The following GPR55 variants were observed in gnomAD, a reference collection of about 807,000 sequenced individuals.
GPR55 encodes the protein G protein-coupled receptor 55.
A neutral mutation model predicts 7.9 loss-of-function variants in GPR55; 6 were observed. The ratio of observed to expected loss-of-function variants is 0.76; its 90% CI spans 0.41 to 1.49. The LOEUF (loss-of-function observed/expected upper bound fraction) is 1.49, where lower values mean the gene tolerates loss of function less well. GPR55 is among the 40% of genes most tolerant of loss of function. The pLI, the probability that GPR55 is intolerant of heterozygous loss-of-function variation, is 0.01. For synonymous variants in GPR55, 183 were observed against 166.8 expected, an observed-to-expected ratio of 1.10 and a Z score of -0.75; for missense variants, 376 against 406.0, an observed-to-expected ratio of 0.93 and a Z score of 0.63.
At chr2:230,916,209 C>A (rs1690710615) in intron 1 of GPR55, among the ~76,000 whole-genome samples, 1 of 151,280 alleles carries the variant, frequency 6.6e-6, no homozygotes, top group Admixed American at 6.6e-5. Flanking sequence ...CTTCATCTCT[C>A]CAAAAAAGAA....
intron 1 of GPR55, among the ~76,000 whole-genome samples, chr2:230,939,120 C>A (rs1049327656): frequency 2.0e-5 from 3 of 152,216 alleles, no homozygotes; most frequent in Non-Finnish European, 2.9e-5. Flanking sequence ...CTCCTTTGTC[C>A]CTGCAGCCCT....
chr2:230,940,436 G>T (rs2125065589), intron 1 of GPR55, among the ~76,000 whole-genome samples: 1 of 152,308 alleles, frequency 6.6e-6, no homozygotes, highest in African/African-American at 2.4e-5. Context: ...GAAGATAGTG[G>T]AAGGTGTCTC....
chr2:230,958,530 T>G (rs1282114611), intron 1 of GPR55, among the ~76,000 whole-genome samples: 2 of 152,180 alleles, frequency 1.3e-5, no homozygotes, highest in African/African-American at 4.8e-5. Context: ...CCTACCTCCC[T>G]CTGACAGTGC....
intron 1 of GPR55, chr2:230,957,848 G>T (rs987985866): frequency 1.6e-6 from 1 of 610,110 alleles, no homozygotes; most frequent in African/African-American, 1.9e-5. Context: ...GCAAAGCAAA[G>T]AATCCAGGAA....
In GPR55 at chr2:230,924,004, C is replaced by G. The variant is rs1361079922; in HGVS notation, c.-135+1164G>C. On this transcript the variant is annotated intron_variant, in intron 1 of 1. Transcript: ENST00000650999. This position sits in a 1 kb window ranked among gnomAD's most constrained non-coding sequence, Gnocchi z 4.5. ...TGAAATGCCCACTTCCCAGGTTCACCCACATCATCTGATGTGGTTTTCCCA... is the reference window on the plus strand; with the variant it reads ...TGAAATGCCCACTTCCCAGGTTCACGCACATCATCTGATGTGGTTTTCCCA... Among the ~76,000 whole-genome samples the G allele has an allele frequency of 6.6e-6, 1 of 152,044 alleles. No homozygotes were observed. Among genetic ancestry groups the G allele is most frequent in the Non-Finnish European group, 1.5e-5 (1 of 68,016 alleles).
intron 1 of GPR55, among the ~76,000 whole-genome samples, chr2:230,933,595 T>C (rs114176980): frequency 6.6e-6 from 1 of 152,228 alleles, no homozygotes; most frequent in African/African-American, 2.4e-5. Context: ...CCTCCTTTCA[T>C]GTCCACCCTC....
intron 1 of GPR55, among the ~76,000 whole-genome samples, chr2:230,939,927 C>T (rs1188907996): frequency 6.6e-6 from 1 of 151,670 alleles, no homozygotes; most frequent in Non-Finnish European, 1.5e-5. Context: ...CCCTGGGAGA[C>T]AGGGGTGTGT....
intron 1 of GPR55, among the ~76,000 whole-genome samples, chr2:230,920,832 G>A (rs1432475300): frequency 6.8e-6 from 1 of 147,824 alleles, no homozygotes; most frequent in Non-Finnish European, 1.5e-5. Context: ...AAACAGAGGG[G>A]CAACCTCACA....
At chr2:230,925,567 G>A (rs554289920), upstream of GPR55, among the ~76,000 whole-genome samples, 23 of 152,232 alleles carry the variant, frequency 1.5e-4, 1 homozygote, top group African/African-American at 4.3e-4. Context: ...AGCCTCCTAC[G>A]CACCCCAGAC....
intron 1 of GPR55, among the ~76,000 whole-genome samples, chr2:230,922,037 T>G (rs1240178674): frequency 2.0e-5 from 3 of 150,496 alleles, no homozygotes; most frequent in Non-Finnish European, 4.5e-5. Context: ...CCTCGTCATG[T>G]GGAGGGCTCT....
At chr2:230,916,613 T>G (rs1216998847) in intron 1 of GPR55, among the ~76,000 whole-genome samples, 1 of 152,128 alleles carries the variant, frequency 6.6e-6, no homozygotes, top group East Asian at 1.9e-4. Flanking sequence ...AAGAATGTTC[T>G]TGTGTTGTAG....
chr2:230,912,552 C>T (rs1489583008), intron 1 of GPR55, among the ~76,000 whole-genome samples: 1 of 152,194 alleles, frequency 6.6e-6, no homozygotes, highest in Non-Finnish European at 1.5e-5. Context: ...GCCTCAGTCT[C>T]CTTCATAGCT....
At chr2:230,951,403 A>G (rs1328387765) in intron 1 of GPR55, among the ~76,000 whole-genome samples, 1 of 152,214 alleles carries the variant, frequency 6.6e-6, no homozygotes, top group Admixed American at 6.5e-5. Flanking sequence ...CCCTGAAACA[A>G]TATGCATATT....
intron 1 of GPR55, among the ~76,000 whole-genome samples, chr2:230,931,010 C>T (rs1278550432): frequency 6.6e-6 from 1 of 152,112 alleles, no homozygotes; most frequent in African/African-American, 2.4e-5. Flanking sequence ...TGGGGAGGTC[C>T]CCACCTGCCC....
At chr2:230,914,749 G>T (rs1690671072) in intron 1 of GPR55, among the ~76,000 whole-genome samples, 1 of 152,224 alleles carries the variant, frequency 6.6e-6, no homozygotes, top group Non-Finnish European at 1.5e-5. Flanking sequence ...CCAACCCAGG[G>T]GTCCACCCCA....
chr2:230,953,145 G>A (rs926907382), intron 1 of GPR55, among the ~76,000 whole-genome samples: 7 of 152,198 alleles, frequency 4.6e-5, no homozygotes, highest in African/African-American at 1.4e-4. Flanking sequence ...GCAGCAACCA[G>A]GTGGAGGTGG....
rs112629093 is a variant in GPR55 at position 230,936,435 on chromosome 2, C to T, written c.-135+24340G>A. Among the ~76,000 whole-genome samples the T allele has an allele frequency of 3.1e-3, 476 of 152,276 alleles. 3 individuals are homozygous for T. Among genetic ancestry groups the T allele is most frequent in the African/African-American group, 0.011 (449 of 41,546 alleles). On this transcript the variant is annotated intron_variant, in intron 1 of 1. Coordinates refer to the GPR55 transcript ENST00000392039. ...TTTATAAGGGGCTTTCCTCGCTTTGCTTGGCACTTCTCTTATGACGCCATG... is the reference window on the plus strand; with the variant it reads ...TTTATAAGGGGCTTTCCTCGCTTTGTTTGGCACTTCTCTTATGACGCCATG...
At chr2:230,921,005 A>G (rs949406808) in intron 1 of GPR55, among the ~76,000 whole-genome samples, 1 of 152,234 alleles carries the variant, frequency 6.6e-6, no homozygotes, top group Non-Finnish European at 1.5e-5. Flanking sequence ...TCTTTGGTTT[A>G]TCAGGCACAT....
chr2:230,945,423 G>GA (rs779273478), intron 1 of GPR55, among the ~76,000 whole-genome samples: 31 of 150,264 alleles, frequency 2.1e-4, no homozygotes, highest in East Asian at 5.8e-4. Flanking sequence ...AAGGAAAGGG[G>GA]AAAAAAAAAG....
Sources: gnomAD v4.1 joint callset for allele counts (sites outside exome capture counted in the v4.1 genomes callset) on GRCh38, gnomAD v4.1.1 for gene constraint, Gnocchi (gnomAD v3.1) non-coding constraint, MANE v1.5 for transcripts, NCBI Gene and HGNC (gene_info 2026-07-23, HGNC 2026-07-21) for gene names.